ITGB1: variants seen among roughly 807,000 people sequenced by gnomAD.
The protein encoded by ITGB1 is integrin subunit beta 1.
A neutral mutation model predicts 86.5 loss-of-function variants in ITGB1; 24 were observed. The ratio of observed to expected loss-of-function variants is 0.28; its 90% CI spans 0.20 to 0.39. The LOEUF is 0.39. Among genes scored for constraint, ITGB1 ranks in the 10% least tolerant of loss-of-function variants. The pLI is 1.00. For synonymous variants in ITGB1, 323 were observed against 316.8 expected, an observed-to-expected ratio of 1.02 and a Z score of -0.21; for missense variants, 556 against 946.9, an observed-to-expected ratio of 0.59 and a Z score of 5.42.
At chr10:32,944,783 A>G in intron 1 of ITGB1, 1 of 749,130 alleles carries the variant, frequency 1.3e-6, no homozygotes, top group Non-Finnish European at 2.4e-6. Flanking sequence ...TCATCCTGCC[A>G]GTGGCTGAGT....
At chr10:32,942,323 C>T (rs929396589) in intron 1 of ITGB1, among the ~76,000 whole-genome samples, 5 of 151,988 alleles carry the variant, frequency 3.3e-5, no homozygotes, top group African/African-American at 4.8e-5. Context: ...AAAAGAGGTA[C>T]GGCTTAGGGG....
intron 1 of ITGB1, among the ~76,000 whole-genome samples, chr10:32,946,080 G>C (rs923655646): frequency 1.3e-5 from 2 of 152,180 alleles, no homozygotes; most frequent in African/African-American, 4.8e-5. Flanking sequence ...TATGTTTTCA[G>C]ATGTTACTCG....
At chr10:32,935,413 C>A in intron 2 of ITGB1, 79 bp downstream of exon 2, 1 of 838,560 alleles carries the variant, frequency 1.2e-6, no homozygotes, top group South Asian at 1.4e-5. Flanking sequence ...GACTTAGGTT[C>A]TCATATGAAC....
At chr10:32,905,603 G>A (rs1323782443) in intron 15 of ITGB1, among the ~76,000 whole-genome samples, 1 of 152,168 alleles carries the variant, frequency 6.6e-6, no homozygotes, top group African/African-American at 2.4e-5. Flanking sequence ...GAGCCCAACT[G>A]CCTGGGTTCA....
At chr10:32,942,673 C>G (rs948782875) in intron 1 of ITGB1, among the ~76,000 whole-genome samples, 4 of 112,778 alleles carry the variant, frequency 3.5e-5, no homozygotes, top group African/African-American at 5.0e-5. Context: ...GACCCTGTCT[C>G]TCTCTCTCTC....
chr10:32,913,634 C>T (rs891712494), intron 11 of ITGB1, among the ~76,000 whole-genome samples: 5 of 152,018 alleles, frequency 3.3e-5, no homozygotes, highest in African/African-American at 9.7e-5. Flanking sequence ...TAAAAAGAAA[C>T]GAACAAAGCC....
chr10:32,942,928 G>A (rs919404650), intron 1 of ITGB1, among the ~76,000 whole-genome samples: 4 of 152,048 alleles, frequency 2.6e-5, no homozygotes, highest in African/African-American at 9.7e-5. Flanking sequence ...CCAGGGGAAG[G>A]GGCCATGAGT....
chr10:32,950,010 T>C (rs2095039685), intron 1 of ITGB1, among the ~76,000 whole-genome samples: 1 of 152,092 alleles, frequency 6.6e-6, no homozygotes, highest in African/African-American at 2.4e-5. Context: ...CCAACTCAAA[T>C]AAAAAGAATA....
At chr10:32,944,414 G>A in intron 1 of ITGB1, 1 of 313,778 alleles carries the variant, frequency 3.2e-6, no homozygotes, top group Non-Finnish European at 6.2e-6. Flanking sequence ...CTACGCGGCA[G>A]CAGCCGTGAT....
chr10:32,906,273 T>C (rs2094896099), intron 15 of ITGB1, among the ~76,000 whole-genome samples: 1 of 152,162 alleles, frequency 6.6e-6, no homozygotes, highest in Non-Finnish European at 1.5e-5. Context: ...CCCTAAAATT[T>C]ACTCATAACA....
In ITGB1 at chr10:32,901,416, A is replaced by C; in HGVS notation, c.*154T>G. The C allele has an allele frequency of 1.9e-6, 1 of 521,596 alleles. No homozygotes were observed. The highest frequency in any genetic ancestry group is 3.3e-5 in the East Asian group (1 of 30,408). The allele number at this position is 521,596 out of a possible 1,614,324, so 32.3% of individuals were successfully genotyped here. Reference sequence around the variant, plus strand: ...TGGCATGAATTACAACATTATTTTCAAAATAATAAAACATTTTAAAAATTA... The same window carrying C: ...TGGCATGAATTACAACATTATTTTCCAAATAATAAAACATTTTAAAAATTA... On this transcript the variant is annotated 3_prime_UTR_variant, in exon 16 of 16. Coordinates refer to ENST00000302278, the MANE Select transcript of ITGB1 (RefSeq NM_002211.4).
chr10:32,912,480 C>T, intron 11 of ITGB1, among the ~76,000 whole-genome samples: 1 of 152,210 alleles, frequency 6.6e-6, no homozygotes, highest in South Asian at 2.1e-4. Flanking sequence ...GAAAACGGAA[C>T]ACCAGAAGAT....
chr10:32,957,081 G>C (rs990214217), intron 1 of ITGB1, among the ~76,000 whole-genome samples: 7 of 152,086 alleles, frequency 4.6e-5, no homozygotes. Flanking sequence ...TCATTAGAGC[G>C]GTTCCAGAAT....
chr10:32,932,242 C>A (rs2094985830), intron 3 of ITGB1, among the ~76,000 whole-genome samples: 1 of 151,956 alleles, frequency 6.6e-6, no homozygotes, highest in African/African-American at 2.4e-5. Context: ...TTTAAATATA[C>A]AAAAATTATC....
intron 4 of ITGB1, 56 bp from the exon 5 acceptor site, chr10:32,928,320 C>A: frequency 2.8e-6 from 2 of 720,008 alleles, no homozygotes; most frequent in Non-Finnish European, 2.4e-6. Context: ...CAAACGCAAA[C>A]GAGAAAAACC....
chr10:32,940,723 T>C (rs2095016394), intron 1 of ITGB1, among the ~76,000 whole-genome samples: 2 of 152,256 alleles, frequency 1.3e-5, no homozygotes. Context: ...CTGCATTCAT[T>C]CGTTCATCAC....
At chr10:32,942,626 G>C (rs550226707) in intron 1 of ITGB1, among the ~76,000 whole-genome samples, 70 of 151,948 alleles carry the variant, frequency 4.6e-4, no homozygotes, top group South Asian at 1.5e-3. Flanking sequence ...GCTGAGGTAA[G>C]AGGACTGCCT....
At chr10:32,937,000 A>G (rs2095004075) in intron 1 of ITGB1, among the ~76,000 whole-genome samples, 1 of 152,248 alleles carries the variant, frequency 6.6e-6, no homozygotes, top group African/African-American at 2.4e-5. Flanking sequence ...AACTGATACA[A>G]CTTTTTGGGA....
At chr10:32,908,662 GAACT>G (rs2094904053) in intron 14 of ITGB1, 128 bp from the exon 15 acceptor site, 4 of 673,156 alleles carry the variant, frequency 5.9e-6, no homozygotes, top group East Asian at 2.8e-5. Flanking sequence ...ATAGCTCTTA[GAACT>G]AACAAGTGAG....
Sources: allele counts gnomAD v4.1 joint callset (sites outside exome capture counted in the v4.1 genomes callset), GRCh38; gene constraint gnomAD v4.1.1; transcripts MANE v1.5; gene names NCBI Gene and HGNC (gene_info 2026-07-23, HGNC 2026-07-21).